The following MAGI2 variants were observed in gnomAD, a reference collection of about 807,000 sequenced individuals.
MAGI2 encodes membrane associated guanylate kinase, WW and PDZ domain containing 2.
A neutral mutation model predicts 133.3 loss-of-function variants in MAGI2; 35 were observed. The ratio of observed to expected loss-of-function variants is 0.26; its 90% CI spans 0.20 to 0.35. MAGI2 has a LOEUF of 0.35. Ranked by LOEUF, MAGI2 falls within the 10% of genes least tolerant of loss-of-function variation. MAGI2 has a pLI of 1.00. For synonymous variants in MAGI2, 729 were observed against 710.6 expected, an observed-to-expected ratio of 1.03 and a Z score of -0.41; for missense variants, 1,636 against 1,863.4, an observed-to-expected ratio of 0.88 and a Z score of 2.25.
intron 1 of MAGI2, among the ~76,000 whole-genome samples, chr7:79,044,086 C>T (rs1294834272): frequency 6.6e-6 from 1 of 152,064 alleles, no homozygotes; most frequent in Admixed American, 6.6e-5. Flanking sequence ...ATGAGGTAAG[C>T]CTCATTCTAA....
intron 1 of MAGI2, among the ~76,000 whole-genome samples, chr7:79,234,915 C>T (rs1255354868): frequency 6.6e-6 from 1 of 151,948 alleles, no homozygotes; most frequent in Non-Finnish European, 1.5e-5. Context: ...TTTTCCCTAT[C>T]TTTGTGGTTT....
chr7:79,440,359 G>A (rs751342512), intron 1 of MAGI2, among the ~76,000 whole-genome samples: 11 of 151,938 alleles, frequency 7.2e-5, no homozygotes, highest in Non-Finnish European at 1.5e-5. Context: ...TGCATTGTTG[G>A]TAAATTTTTG....
At chr7:78,392,040 A>G (rs1795937320) in intron 6 of MAGI2, among the ~76,000 whole-genome samples, 1 of 152,098 alleles carries the variant, frequency 6.6e-6, no homozygotes, top group African/African-American at 2.4e-5. Context: ...CGACAGACAC[A>G]TCGTTTCGAC....
rs571907354 is a variant in MAGI2 at position 78,443,413 on chromosome 7, C to A, written c.1045+46348G>T. 5.3e-5 allele frequency among the ~76,000 whole-genome samples: 8 copies of A among 152,244 alleles called. No homozygotes were observed. The South Asian group carries it at 1.7e-3, about 32-fold the overall frequency. On this transcript the variant is annotated intron_variant, in intron 6 of 21. Transcript: ENST00000354212. Reference sequence around the variant, plus strand: ...TAGACACACTTGGTCATCCTTTCTTCTCATCTACAAAGTAGCACAAGCACA... The same window carrying A: ...TAGACACACTTGGTCATCCTTTCTTATCATCTACAAAGTAGCACAAGCACA...
intron 10 of MAGI2, among the ~76,000 whole-genome samples, chr7:78,219,464 T>C (rs1477396255): frequency 6.6e-6 from 1 of 152,166 alleles, no homozygotes; most frequent in East Asian, 1.9e-4. Flanking sequence ...CACTTTTCTC[T>C]TCTCACTGAG....
intron 2 of MAGI2, among the ~76,000 whole-genome samples, chr7:78,995,837 C>G (rs1292679204): frequency 2.6e-5 from 4 of 152,074 alleles, no homozygotes; most frequent in South Asian, 2.1e-4. Flanking sequence ...GAACTGGAAG[C>G]CTGATCCACC....
At chr7:78,992,337 A>T (rs199998256) in intron 2 of MAGI2, among the ~76,000 whole-genome samples, 1 of 152,034 alleles carries the variant, frequency 6.6e-6, no homozygotes, top group Admixed American at 6.6e-5. Context: ...TATTTCCAGC[A>T]CCCAGCCACT....
chr7:78,106,348 T>C (rs1187520133), intron 20 of MAGI2, among the ~76,000 whole-genome samples: 1 of 152,148 alleles, frequency 6.6e-6, no homozygotes, highest in East Asian at 1.9e-4. Flanking sequence ...TAAAATACAC[T>C]GATTTCCTTT....
At chr7:79,107,497 T>A (rs904621452) in intron 1 of MAGI2, among the ~76,000 whole-genome samples, 3 of 152,190 alleles carry the variant, frequency 2.0e-5, no homozygotes, top group African/African-American at 7.2e-5. Context: ...AAGAATCAGT[T>A]GAGGAGATAG....
chr7:79,019,910 T>A (rs1315306833), intron 1 of MAGI2, among the ~76,000 whole-genome samples: 3 of 151,658 alleles, frequency 2.0e-5, no homozygotes, highest in African/African-American at 7.3e-5. Flanking sequence ...GTACCAGGAG[T>A]GGGGTGCTGC....
chr7:78,058,900 TG>T (rs971557133), intron 21 of MAGI2, among the ~76,000 whole-genome samples: 12 of 152,260 alleles, frequency 7.9e-5, no homozygotes, highest in African/African-American at 2.2e-4. Flanking sequence ...ATGATGGCTC[TG>T]CCGTTTTCTC....
rs184908987 is a variant in MAGI2, at chr7:78,892,152, C to T, written c.418+114938G>A. Reference sequence around the variant, plus strand: ...CAATTGCTTCATAGATAATAAAATACCCAGGAATCCAACTTACAAGGGATG... The same window carrying T: ...CAATTGCTTCATAGATAATAAAATATCCAGGAATCCAACTTACAAGGGATG... On this transcript the variant is annotated intron_variant, in intron 2 of 21. Coordinates refer to ENST00000354212, the MANE Select transcript of MAGI2 (RefSeq NM_012301.4). Among the ~76,000 whole-genome samples, 126 of 152,222 alleles carry T rather than the reference C, an allele frequency of 8.3e-4. 3 individuals carry two copies. The highest frequency in any genetic ancestry group is 3.7e-3 in the East Asian group (19 of 5,184).
At chr7:78,739,313 G>A (rs1238042581) in intron 2 of MAGI2, among the ~76,000 whole-genome samples, 1 of 152,214 alleles carries the variant, frequency 6.6e-6, no homozygotes, top group Non-Finnish European at 1.5e-5. Context: ...GGAATGCAGA[G>A]CAGTTGGGGT....
intron 1 of MAGI2, among the ~76,000 whole-genome samples, chr7:79,225,966 T>C (rs1294924747): frequency 1.3e-5 from 2 of 152,172 alleles, no homozygotes; most frequent in African/African-American, 2.4e-5. Context: ...GCCCTTTGTA[T>C]AGAATGTCAC....
chr7:79,058,147 A>G (rs990298048), intron 1 of MAGI2, among the ~76,000 whole-genome samples: 7 of 152,090 alleles, frequency 4.6e-5, no homozygotes, highest in African/African-American at 1.7e-4. Flanking sequence ...ACAAGGCAAA[A>G]GACCAGGGAA....
At chr7:78,267,236 G>A (rs776010996) in intron 9 of MAGI2, among the ~76,000 whole-genome samples, 1 of 152,188 alleles carries the variant, frequency 6.6e-6, no homozygotes, top group African/African-American at 2.4e-5. Flanking sequence ...AGGGCTGCCA[G>A]AATATTTCTC....
At chr7:78,687,203 C>T (rs1216250906) in intron 2 of MAGI2, among the ~76,000 whole-genome samples, 1 of 152,096 alleles carries the variant, frequency 6.6e-6, no homozygotes, top group African/African-American at 2.4e-5. Flanking sequence ...CTCCTGAGAC[C>T]CCCAGCTGAC....
intron 9 of MAGI2, among the ~76,000 whole-genome samples, chr7:78,338,005 C>A (rs149995943): frequency 1.4e-3 from 220 of 152,160 alleles, no homozygotes; most frequent in East Asian, 8.7e-3. Context: ...AAAATATTAG[C>A]CATAGAGCAA....
At chr7:79,129,028 G>C (rs535319079) in intron 1 of MAGI2, among the ~76,000 whole-genome samples, 1 of 151,886 alleles carries the variant, frequency 6.6e-6, no homozygotes, top group Non-Finnish European at 1.5e-5. Flanking sequence ...GCACCACCAC[G>C]CTCAGCTAAT....
Sources: gnomAD v4.1 joint callset for allele counts (sites outside exome capture counted in the v4.1 genomes callset) on GRCh38, gnomAD v4.1.1 for gene constraint, MANE v1.5 for transcripts, NCBI Gene and HGNC (gene_info 2026-07-23, HGNC 2026-07-21) for gene names.